Variants in NTN1 observed in about 807,000 individuals in gnomAD.
NTN1 encodes the protein netrin 1, also known as netrin-1.
A neutral mutation model predicts 54.2 loss-of-function variants in NTN1; 11 were observed. That is an observed-to-expected ratio of 0.20 (90% CI 0.13 to 0.34). NTN1 has a LOEUF of 0.34. Among genes scored for constraint, NTN1 ranks in the 10% least tolerant of loss-of-function variants. The pLI, the probability that NTN1 is intolerant of heterozygous loss-of-function variation, is 1.00. For synonymous variants in NTN1, 371 were observed against 382.0 expected, an observed-to-expected ratio of 0.97 and a Z score of 0.33; for missense variants, 740 against 893.1, an observed-to-expected ratio of 0.83 and a Z score of 2.18.
chr17:9,101,242 T>C (rs1341374944), intron 2 of NTN1, among the ~76,000 whole-genome samples: 3 of 152,204 alleles, frequency 2.0e-5, no homozygotes, highest in African/African-American at 7.2e-5. Context: ...TCAATAAACA[T>C]TTGCTGGATT....
chr17:9,074,688 C>T (rs970245840), intron 2 of NTN1, among the ~76,000 whole-genome samples: 2 of 152,168 alleles, frequency 1.3e-5, no homozygotes, highest in Admixed American at 6.5e-5. Context: ...TGTTACTTTA[C>T]GGCCTCAGTT....
At chr17:9,131,978 A>AT (rs35556647) in intron 2 of NTN1, among the ~76,000 whole-genome samples, 2,185 of 133,866 alleles carry the variant, frequency 0.016, 26 homozygotes, top group African/African-American at 0.038. Flanking sequence ...AATTTTTTGT[A>AT]TTTTTTTTTT....
At chr17:9,230,035 G>A (rs1030974034) in intron 6 of NTN1, among the ~76,000 whole-genome samples, 1 of 146,058 alleles carries the variant, frequency 6.8e-6, no homozygotes, top group Non-Finnish European at 1.5e-5. Flanking sequence ...TAGCCTCAGG[G>A]ACACGGGGCC....
In NTN1 at chr17:9,179,937, T is replaced by C. The variant is rs978912708; in HGVS notation, c.1338T>C (p.Ser446=). The C allele has an allele frequency of 6.2e-7, 1 of 1,613,812 alleles. No homozygotes were observed. The highest frequency in any genetic ancestry group is 1.1e-5 in the South Asian group (1 of 91,012). ...CCAAAGGCTACCAGCAGAGCCGCTC[T>C]CCCATCGCCCCCTGCATAAGTATGT... The part of the protein sequence containing the change: ...RCAKGYQQSR[S]PIAPCIKIPV... Residue 446 remains serine (S), a synonymous_variant, in exon 4 of 7, where the codon TCT becomes TCC. Coordinates refer to ENST00000173229, the MANE Select transcript of NTN1 (RefSeq NM_004822.3).
chr17:9,046,819 A>G (rs2091942820), intron 2 of NTN1, among the ~76,000 whole-genome samples: 1 of 152,172 alleles, frequency 6.6e-6, no homozygotes, highest in South Asian at 2.1e-4. Flanking sequence ...GAGAAAAAAC[A>G]AAAGAAAATA....
intron 6 of NTN1, among the ~76,000 whole-genome samples, chr17:9,236,706 T>G (rs1193409750): frequency 6.6e-6 from 1 of 152,186 alleles, no homozygotes; most frequent in Non-Finnish European, 1.5e-5. Flanking sequence ...CATTGCTCTA[T>G]CCCTCTGGAC....
chr17:9,090,720 A>G (rs1302708735), intron 2 of NTN1, among the ~76,000 whole-genome samples: 2 of 152,016 alleles, frequency 1.3e-5, no homozygotes, highest in South Asian at 4.1e-4. Context: ...CCTGGGGAAC[A>G]TTTAGCTTTT....
chr17:9,022,425 C>A lies in NTN1; in HGVS notation c.52C>A (p.Leu18Met). 1 of 1,359,200 alleles carries A rather than the reference C, an allele frequency of 7.4e-7. No individual in the cohort carries two copies. Among genetic ancestry groups the A allele is most frequent in the South Asian group, 1.9e-5 (1 of 52,166 alleles). The allele number at this position is 1,359,200 out of a possible 1,614,324, so 84.2% of individuals were successfully genotyped here. Residue 18 changes from leucine (L) to methionine (M), a missense_variant, in exon 2 of 7, where the codon CTG becomes ATG. Leu to Met is a conservative substitution (Grantham distance 15, BLOSUM62 2). Transcript: ENST00000173229. ...GGCGGCGCTGGCGGCGGTGGCGTGC[C>A]TGGTGGGCGCGGTGCGCGGCGGGCC... ...ALAALAAVAC[L>M]VGAVRGGPGL...
At chr17:9,223,790 G>A (rs775309467) in intron 6 of NTN1, among the ~76,000 whole-genome samples, 15 of 152,302 alleles carry the variant, frequency 9.8e-5, no homozygotes, top group Admixed American at 5.9e-4. Flanking sequence ...CTAGCAAAGC[G>A]GTGGGCCCAG....
chr17:9,039,390 A>G (rs2091914123), intron 2 of NTN1, among the ~76,000 whole-genome samples: 1 of 152,232 alleles, frequency 6.6e-6, no homozygotes, highest in South Asian at 2.1e-4. Flanking sequence ...TTGATTATTT[A>G]AATGTACCCA....
intron 3 of NTN1, among the ~76,000 whole-genome samples, chr17:9,178,554 G>A (rs1383100870): frequency 1.3e-5 from 2 of 152,258 alleles, no homozygotes; most frequent in Non-Finnish European, 2.9e-5. Flanking sequence ...CCGTGCTCAC[G>A]CCCAGCAGTG....
At chr17:9,021,392 C>G (rs1326656699), upstream of NTN1, 2 of 151,866 alleles carry the variant, frequency 1.3e-5, no homozygotes, top group East Asian at 3.9e-4. Flanking sequence ...TTCCCTTTAA[C>G]TTTCTTCTTT....
intron 2 of NTN1, among the ~76,000 whole-genome samples, chr17:9,045,229 G>A (rs2091938119): frequency 1.3e-5 from 2 of 152,228 alleles, no homozygotes; most frequent in Non-Finnish European, 2.9e-5. Context: ...ACTCCCGTCT[G>A]TACATGAGCA....
chr17:9,015,341 G>A, the NTN1 span, among the ~76,000 whole-genome samples: 2 of 152,100 alleles, frequency 1.3e-5, no homozygotes, highest in Admixed American at 1.3e-4. Context: ...AACCCAGGAG[G>A]CAGAGGCTGC....
At chr17:9,064,987 A>T (rs1463782684) in intron 2 of NTN1, among the ~76,000 whole-genome samples, 2 of 152,126 alleles carry the variant, frequency 1.3e-5, no homozygotes, top group Non-Finnish European at 2.9e-5. Flanking sequence ...CCCAGGCTGG[A>T]GTGCAGTGGT....
At chr17:9,233,165 C>G (rs530483735) in intron 6 of NTN1, among the ~76,000 whole-genome samples, 3 of 151,964 alleles carry the variant, frequency 2.0e-5, no homozygotes, top group Non-Finnish European at 4.4e-5. Flanking sequence ...CATAAATCTG[C>G]GAGACCTCCA....
intron 6 of NTN1, among the ~76,000 whole-genome samples, chr17:9,231,413 GC>G (rs1193695724): frequency 6.6e-6 from 1 of 152,218 alleles, no homozygotes; most frequent in Non-Finnish European, 1.5e-5. Flanking sequence ...CCCTGCTGTG[GC>G]CCCCAGGTCT....
chr17:9,095,560 C>T (rs753371894), intron 2 of NTN1, among the ~76,000 whole-genome samples: 2 of 152,206 alleles, frequency 1.3e-5, no homozygotes, highest in Non-Finnish European at 2.9e-5. Context: ...TTCTTTCTGT[C>T]CAATGATACA....
At chr17:9,134,985 T>C (rs1415978736) in intron 2 of NTN1, among the ~76,000 whole-genome samples, 1 of 152,142 alleles carries the variant, frequency 6.6e-6, no homozygotes, top group African/African-American at 2.4e-5. Context: ...CAGGGGGTGC[T>C]GCCTCCTGAA....
Sources: gnomAD v4.1 joint callset for allele counts (sites outside exome capture counted in the v4.1 genomes callset) on GRCh38, gnomAD v4.1.1 for gene constraint, MANE v1.5 for transcripts, NCBI Gene and HGNC (gene_info 2026-07-23, HGNC 2026-07-21) for gene names.